The following LRIG1 variants were observed in gnomAD, a reference collection of about 807,000 sequenced individuals.
LRIG1 encodes leucine-rich repeats and immunoglobulin-like domains protein 1.
Under a neutral mutation model 99.2 loss-of-function variants are expected in LRIG1, and 48 were observed. The ratio of observed to expected loss-of-function variants is 0.48; its 90% CI spans 0.38 to 0.62. LRIG1 has a LOEUF of 0.62. Ranked by LOEUF, LRIG1 falls within the 20% of genes least tolerant of loss-of-function variation. The pLI is 0.00. For missense variants in LRIG1, 1,646 were observed against 1,434.4 expected (o/e 1.15, Z -2.38); for synonymous variants, 772 against 596.1 (o/e 1.29, Z -4.30).
intron 1 of LRIG1, among the ~76,000 whole-genome samples, chr3:66,493,919 G>GAGAGAAAGAAAAAAGAAAAAGAAAAC: frequency 6.8e-6 from 1 of 147,170 alleles, no homozygotes; most frequent in East Asian, 2.0e-4. Flanking sequence ...AAGAAGGGAG[G>GAGAGAAAGAAAAAAGAAAAAGAAAAC]AGAGAAAGAA....
chr3:66,462,018 G>A lies in LRIG1; in HGVS notation c.290+420C>T, dbSNP rs541052137. On this transcript the variant is annotated intron_variant, in intron 2 of 18. Coordinates refer to ENST00000273261, the MANE Select transcript of LRIG1 (RefSeq NM_015541.3). ...CCAGCACATTGGGAGGCCAAGGCGC[G>A]CAGATCACATGAGGCCAGAGTTCGA... 4.6e-5 allele frequency among the ~76,000 whole-genome samples: 7 copies of A among 152,248 alleles called. No individual in the cohort carries two copies. The South Asian group carries it at 8.3e-4, about 18-fold the overall frequency.
intron 1 of LRIG1, among the ~76,000 whole-genome samples, chr3:66,491,024 G>T (rs7643774): frequency 0.91 from 138,693 of 152,248 alleles, 64,007 homozygotes; most frequent in Non-Finnish European, 0.99. Context: ...AACAAACCAT[G>T]CAGCAGCTAC....
chr3:66,427,778 T>C (rs1246639028), intron 3 of LRIG1, among the ~76,000 whole-genome samples: 4 of 152,150 alleles, frequency 2.6e-5, no homozygotes, highest in African/African-American at 9.6e-5. Flanking sequence ...CCCAGAAGCC[T>C]CCCTCCTCCT....
At chr3:66,434,809 C>T (rs1172515601) in intron 3 of LRIG1, among the ~76,000 whole-genome samples, 10 of 145,986 alleles carry the variant, frequency 6.8e-5, no homozygotes, top group Non-Finnish European at 1.2e-4. Context: ...TGTGGAGAAA[C>T]GGAATTGCCT....
rs542618976 is a variant in LRIG1, at chr3:66,457,472, G to T, written c.290+4966C>A. On this transcript the variant is annotated intron_variant, in intron 2 of 18. Coordinates refer to ENST00000273261, the MANE Select transcript of LRIG1 (RefSeq NM_015541.3). ...GGCACAATGGTAAGACATTCAACCAGTCAGCCTGCAAAGATTCATTTCTAA... is the reference window on the plus strand; with the variant it reads ...GGCACAATGGTAAGACATTCAACCATTCAGCCTGCAAAGATTCATTTCTAA... Among the ~76,000 whole-genome samples, 3 of 152,274 alleles carry T rather than the reference G, an allele frequency of 2.0e-5. No individual in the cohort carries two copies. In the South Asian group the frequency reaches 6.2e-4, roughly 32 times the overall value.
At chr3:66,414,502 A>G (rs543353390) in intron 5 of LRIG1, among the ~76,000 whole-genome samples, 1 of 152,350 alleles carries the variant, frequency 6.6e-6, no homozygotes, top group African/African-American at 2.4e-5. Flanking sequence ...AACTCCAGCT[A>G]CACTAACTTC....
chr3:66,480,399 C>A (rs908227236), intron 1 of LRIG1, among the ~76,000 whole-genome samples: 5 of 151,632 alleles, frequency 3.3e-5, no homozygotes, highest in Non-Finnish European at 5.9e-5. Context: ...TACGAATATA[C>A]TAAAAACCCA....
At chr3:66,474,669 G>A (rs757867360) in intron 1 of LRIG1, among the ~76,000 whole-genome samples, 8 of 152,054 alleles carry the variant, frequency 5.3e-5, no homozygotes, top group South Asian at 2.1e-4. Context: ...ATGTGGCTGG[G>A]TGCATCACCC....
At chr3:66,381,690 TATGAA>T in intron 16 of LRIG1, 59 bp from the exon 17 acceptor site, 5 of 1,569,896 alleles carry the variant, frequency 3.2e-6, no homozygotes, top group Middle Eastern at 1.7e-4. Context: ...CAGTAAGCCT[TATGAA>T]AGGAATGAGC....
intron 1 of LRIG1, among the ~76,000 whole-genome samples, chr3:66,481,749 G>T (rs972787005): frequency 4.6e-5 from 7 of 152,156 alleles, no homozygotes; most frequent in African/African-American, 1.7e-4. Flanking sequence ...ACAAATAAAC[G>T]AGAAGGGATG....
At chr3:66,419,685 G>A (rs921661538) in intron 3 of LRIG1, among the ~76,000 whole-genome samples, 4 of 152,148 alleles carry the variant, frequency 2.6e-5, no homozygotes, top group Non-Finnish European at 4.4e-5. Context: ...TGGGCCAGGA[G>A]AGAGATGGCG....
intron 12 of LRIG1, chr3:66,386,526 C>G (rs189671292): frequency 5.8e-6 from 3 of 515,872 alleles, no homozygotes. Flanking sequence ...TATGATCACA[C>G]TCCTTGATTA....
chr3:66,468,698 C>G (rs1446185908), intron 1 of LRIG1, among the ~76,000 whole-genome samples: 1 of 152,170 alleles, frequency 6.6e-6, no homozygotes, highest in Non-Finnish European at 1.5e-5. Context: ...CACTGTCAGC[C>G]ACTCGTTAAA....
intron 2 of LRIG1, among the ~76,000 whole-genome samples, chr3:66,458,481 T>A (rs557230402): frequency 2.6e-5 from 4 of 152,234 alleles, no homozygotes; most frequent in Middle Eastern, 3.4e-3. Context: ...GGCAGGCAGA[T>A]CACATGAGGC....
intron 1 of LRIG1, among the ~76,000 whole-genome samples, chr3:66,475,832 C>G (rs577535895): frequency 6.6e-6 from 1 of 152,260 alleles, no homozygotes; most frequent in East Asian, 1.9e-4. Context: ...TAGGCCTGCC[C>G]GTCACACTAC....
intron 12 of LRIG1, chr3:66,387,815 T>G (rs955369349): frequency 6.6e-6 from 1 of 151,782 alleles, no homozygotes; most frequent in Admixed American, 6.6e-5. Context: ...CGAAGGATAG[T>G]GGCCAGGTGG....
At chr3:66,499,975 T>C (rs1701318207) in intron 1 of LRIG1, among the ~76,000 whole-genome samples, 1 of 151,642 alleles carries the variant, frequency 6.6e-6, no homozygotes, top group Non-Finnish European at 1.5e-5. Context: ...CACGCTCTTC[T>C]TCTCCAGGCT....
At chr3:66,442,815 A>T (rs1703588059) in intron 3 of LRIG1, among the ~76,000 whole-genome samples, 1 of 152,156 alleles carries the variant, frequency 6.6e-6, no homozygotes, top group Admixed American at 6.5e-5. Context: ...TTTCCAAAAG[A>T]GGCAGTGATC....
chr3:66,443,907 G>C (rs1299577799), intron 3 of LRIG1, among the ~76,000 whole-genome samples: 2 of 152,192 alleles, frequency 1.3e-5, no homozygotes, highest in Non-Finnish European at 2.9e-5. Context: ...GAGTAATCTG[G>C]TCATAAACAA....
Sources: gnomAD v4.1 joint callset for allele counts (sites outside exome capture counted in the v4.1 genomes callset) on GRCh38, gnomAD v4.1.1 for gene constraint, MANE v1.5 for transcripts, NCBI Gene and HGNC (gene_info 2026-07-23, HGNC 2026-07-21) for gene names.